Variants in LRRTM4 observed in about 807,000 individuals in gnomAD.
LRRTM4 encodes the protein leucine-rich repeat transmembrane neuronal protein 4.
A neutral mutation model predicts 47.6 loss-of-function variants in LRRTM4; 25 were observed. The ratio of observed to expected loss-of-function variants is 0.53; its 90% confidence interval spans 0.38 to 0.73. The LOEUF (loss-of-function observed/expected upper bound fraction) is 0.73, where lower values mean the gene tolerates loss of function less well. LRRTM4 is among the 30% of genes least tolerant of loss of function. The probability of loss-of-function intolerance (pLI) is 0.00; values close to 1 mark genes in which losing one functional copy is unlikely to be tolerated. For missense variants in LRRTM4, 638 were observed against 713.4 expected, an observed-to-expected ratio of 0.89 and a Z score of 1.20; for synonymous variants, 311 against 269.5, an observed-to-expected ratio of 1.15 and a Z score of -1.51.
chr2:77,024,973 C>T lies in LRRTM4; in HGVS notation c.1552-276057G>A, dbSNP rs570217014. Among the ~76,000 whole-genome samples the T allele has an allele frequency of 1.2e-3, 180 of 152,076 alleles. 1 individual carries two copies. The highest frequency in any genetic ancestry group is 3.9e-3 in the African/African-American group (160 of 41,508). ...AATTATTAGTTTTTTGTTTCAAATA[C>T]GGTGAAAAAGAATCTTGATCTATAT... On this transcript the variant is annotated intron_variant, in intron 3 of 3. Transcript: ENST00000409884.
intron 3 of LRRTM4, among the ~76,000 whole-genome samples, chr2:77,498,574 CTAAACAT>C (rs1000048218): frequency 6.6e-5 from 10 of 151,902 alleles, no homozygotes; most frequent in African/African-American, 2.4e-4. Context: ...TGATGCCTAA[CTAAACAT>C]TAAATATTCT....
intron 3 of LRRTM4, among the ~76,000 whole-genome samples, chr2:76,866,608 G>C (rs1277225596): frequency 1.3e-5 from 2 of 151,712 alleles, no homozygotes; most frequent in East Asian, 3.9e-4. Context: ...GTGATGTTGT[G>C]TCACATCACT....
At chr2:77,240,184 G>T (rs1675218456) in intron 3 of LRRTM4, among the ~76,000 whole-genome samples, 1 of 151,598 alleles carries the variant, frequency 6.6e-6, no homozygotes, top group African/African-American at 2.4e-5. Context: ...TAAATAACTA[G>T]CACACCATAC....
intron 3 of LRRTM4, among the ~76,000 whole-genome samples, chr2:77,513,867 T>C (rs866898138): frequency 6.6e-6 from 1 of 152,112 alleles, no homozygotes; most frequent in Non-Finnish European, 1.5e-5. Flanking sequence ...CACCTGACGA[T>C]ACTTATAATT....
intron 3 of LRRTM4, among the ~76,000 whole-genome samples, chr2:76,875,068 G>A (rs1419289124): frequency 6.6e-6 from 1 of 152,022 alleles, no homozygotes; most frequent in Non-Finnish European, 1.5e-5. Flanking sequence ...AATGTCTATA[G>A]ATTCTACTTC....
intron 3 of LRRTM4, among the ~76,000 whole-genome samples, chr2:77,236,161 C>T (rs573179249): frequency 1.3e-5 from 2 of 151,950 alleles, no homozygotes; most frequent in Non-Finnish European, 2.9e-5. Context: ...ACATGGAATG[C>T]TTTTCCATTT....
At chr2:77,319,341 C>A (rs113923669) in intron 3 of LRRTM4, among the ~76,000 whole-genome samples, 6,047 of 151,842 alleles carry the variant, frequency 0.04, 265 homozygotes, top group African/African-American at 0.1. Context: ...GAGCCGAGAT[C>A]GCGCCACTGC....
intron 3 of LRRTM4, among the ~76,000 whole-genome samples, chr2:77,031,226 T>A (rs1678644362): frequency 6.6e-6 from 1 of 152,212 alleles, no homozygotes; most frequent in Non-Finnish European, 1.5e-5. Flanking sequence ...GTTTTTAAAA[T>A]AATTTTGTGT....
intron 3 of LRRTM4, among the ~76,000 whole-genome samples, chr2:77,439,281 A>G (rs533409693): frequency 1.3e-5 from 2 of 152,284 alleles, no homozygotes; most frequent in Non-Finnish European, 2.9e-5. Context: ...CTAAATTTTC[A>G]TATTTTTCTT....
Position 77,237,167 on chromosome 2 carries a change from A to ATT in LRRTM4, c.1551+281149_1551+281150dup, listed in dbSNP as rs34136416. Among the ~76,000 whole-genome samples, 832 of 141,200 alleles carry ATT rather than the reference A, an allele frequency of 5.9e-3. 11 individuals carry two copies. The East Asian group carries it at 0.068, about 12-fold the overall frequency. 92.6% of individuals were successfully genotyped at this position (141,200 alleles called of 152,430 possible). On this transcript the variant is annotated intron_variant, in intron 3 of 3. Coordinates refer to ENST00000409884, the MANE Select transcript of LRRTM4 (RefSeq NM_001134745.3). ...GGCTGTGAATTCATCTTGTTGGGGG[A>ATT]TTTTTTTTTTTTTTGGTTGCTAGGT...
At chr2:76,752,280 A>G (rs1419022585) in intron 3 of LRRTM4, among the ~76,000 whole-genome samples, 1 of 152,162 alleles carries the variant, frequency 6.6e-6, no homozygotes, top group Admixed American at 6.5e-5. Context: ...TTTAAACTAT[A>G]GTGGGAGATA....
At chr2:77,163,502 G>T (rs991932888) in intron 3 of LRRTM4, among the ~76,000 whole-genome samples, 32 of 152,228 alleles carry the variant, frequency 2.1e-4, no homozygotes, top group African/African-American at 7.7e-4. Context: ...CTCGAGAAGA[G>T]CAACTCCAAG....
chr2:77,064,208 T>C (rs1260750989), intron 3 of LRRTM4, among the ~76,000 whole-genome samples: 2 of 152,186 alleles, frequency 1.3e-5, no homozygotes, highest in Non-Finnish European at 2.9e-5. Context: ...TCTAATTTTA[T>C]CCAATAAGTA....
intron 3 of LRRTM4, among the ~76,000 whole-genome samples, chr2:77,120,821 G>A (rs1213554463): frequency 6.6e-6 from 1 of 151,802 alleles, no homozygotes; most frequent in South Asian, 2.1e-4. Flanking sequence ...CTGATGCATG[G>A]TATTTGTGTC....
chr2:77,421,049 G>A (rs189273558), intron 3 of LRRTM4, among the ~76,000 whole-genome samples: 2 of 151,520 alleles, frequency 1.3e-5, no homozygotes, highest in Admixed American at 1.3e-4. Context: ...GGTATAGCAG[G>A]AAACAAGGCC....
chr2:77,182,459 G>A (rs1454433577), intron 3 of LRRTM4, among the ~76,000 whole-genome samples: 2 of 151,888 alleles, frequency 1.3e-5, no homozygotes, highest in Non-Finnish European at 2.9e-5. Context: ...CTAGATGATG[G>A]ATCAATAGGT....
At chr2:77,505,456 AT>A (rs1382647186) in intron 3 of LRRTM4, among the ~76,000 whole-genome samples, 1 of 151,440 alleles carries the variant, frequency 6.6e-6, no homozygotes, top group Non-Finnish European at 1.5e-5. Context: ...TACACAACAT[AT>A]TTTTGTTGAA....
At chr2:76,882,896 A>G (rs1156810789) in intron 3 of LRRTM4, among the ~76,000 whole-genome samples, 1 of 152,074 alleles carries the variant, frequency 6.6e-6, no homozygotes, top group East Asian at 1.9e-4. Context: ...TCAAACTGTC[A>G]TCCTAGTTTC....
chr2:77,284,317 A>G (rs1676591461), intron 3 of LRRTM4, among the ~76,000 whole-genome samples: 1 of 152,136 alleles, frequency 6.6e-6, no homozygotes, highest in South Asian at 2.1e-4. Flanking sequence ...CTGTTAATAT[A>G]GATTTACTGT....
Sources: allele counts gnomAD v4.1 joint callset (sites outside exome capture counted in the v4.1 genomes callset), GRCh38; gene constraint gnomAD v4.1.1; transcripts MANE v1.5; gene names NCBI Gene and HGNC (gene_info 2026-07-23, HGNC 2026-07-21).